SNX13: variants seen among roughly 807,000 people sequenced by gnomAD.
The protein encoded by SNX13 is sorting nexin 13.
SNX13 carries 45 observed loss-of-function variants against 133.6 expected under a neutral mutation model. The observed-to-expected ratio is 0.34, with a 90% CI of 0.27 to 0.43. The LOEUF (loss-of-function observed/expected upper bound fraction) is 0.43. Among genes scored for constraint, SNX13 ranks in the 20% least tolerant of loss-of-function variants. The pLI is 1.00. For missense variants in SNX13, 1,032 were observed against 1,145.1 expected (o/e 0.90, Z 1.43); for synonymous variants, 414 against 373.9 (o/e 1.11, Z -1.24).
At chr7:17,815,208 T>C (rs2128297924) in intron 19 of SNX13, among the ~76,000 whole-genome samples, 1 of 152,312 alleles carries the variant, frequency 6.6e-6, no homozygotes, top group East Asian at 1.9e-4. Context: ...ATATTTACTA[T>C]TTTATTTTCA....
At position 17,834,131 on chromosome 7, in the gene SNX13, A is replaced by G. The variant is rs752030843; in HGVS notation, c.1518T>C (p.Asn506=). ...DERFYPSFRQ[N]ALYVRMLAEL... The stretch of plus-strand genomic sequence containing the variant: ...CAGCTAACATGCGCACATAAAGTGC[A>G]TTCTGTCTGAAGGAAGGATAAAATC... Residue 506 remains asparagine (N), a synonymous_variant, in exon 15 of 26, where the codon AAT becomes AAC. Transcript: ENST00000428135. 1.9e-6 allele frequency: 3 copies of G among 1,596,540 alleles called. No individual in the cohort carries two copies. Among genetic ancestry groups the G allele is most frequent in the African/African-American group, 2.7e-5 (2 of 74,558 alleles).
chr7:17,798,594 T>C (rs910668943), intron 24 of SNX13, 96 bp downstream of exon 24: 4 of 911,830 alleles, frequency 4.4e-6, no homozygotes, highest in African/African-American at 3.5e-5. Context: ...ACCAACTTTA[T>C]GTCCAGGAAG....
chr7:17,819,996 A>G (rs1787109848), intron 18 of SNX13, among the ~76,000 whole-genome samples: 1 of 152,134 alleles, frequency 6.6e-6, no homozygotes, highest in African/African-American at 2.4e-5. Flanking sequence ...GTGCTGTATC[A>G]ATTTCATGTA....
chr7:17,795,538 ACTAT>A (rs1242477563), intron 25 of SNX13: 1 of 151,718 alleles, frequency 6.6e-6, no homozygotes, highest in South Asian at 2.1e-4. Context: ...CTCATCTGAC[ACTAT>A]CTATTCCATT....
intron 17 of SNX13, among the ~76,000 whole-genome samples, chr7:17,824,009 T>TA (rs752729740): frequency 1.1e-3 from 165 of 151,326 alleles, no homozygotes; most frequent in African/African-American, 3.5e-3. Flanking sequence ...AGGTAATTAT[T>TA]TAAAAAAAAT....
chr7:17,832,497 GA>G (rs1788611426), intron 15 of SNX13: 8 of 982,566 alleles, frequency 8.1e-6, no homozygotes, highest in Non-Finnish European at 9.7e-6. Context: ...CAAATACGAA[GA>G]AATTTCTAAA....
intron 1 of SNX13, among the ~76,000 whole-genome samples, chr7:17,936,443 T>C (rs1802035954): frequency 6.6e-6 from 1 of 152,252 alleles, no homozygotes; most frequent in African/African-American, 2.4e-5. Context: ...TAATGATTCA[T>C]ATTTACAGAC....
At chr7:17,876,243 C>A (rs925516974) in intron 5 of SNX13, among the ~76,000 whole-genome samples, 5 of 152,170 alleles carry the variant, frequency 3.3e-5, no homozygotes, top group Non-Finnish European at 7.3e-5. Flanking sequence ...TTTAGCTATG[C>A]AACACATGTT....
intron 9 of SNX13, among the ~76,000 whole-genome samples, chr7:17,861,879 G>C (rs559663430): frequency 6.6e-6 from 1 of 152,210 alleles, no homozygotes; most frequent in African/African-American, 2.4e-5. Context: ...TTTCTTTCCT[G>C]CTATAAAGCT....
chr7:17,934,915 T>C (rs1259241955), intron 1 of SNX13, among the ~76,000 whole-genome samples: 2 of 152,198 alleles, frequency 1.3e-5, no homozygotes, highest in African/African-American at 4.8e-5. Flanking sequence ...AGGGAATTCT[T>C]GTACACTGTA....
intron 1 of SNX13, among the ~76,000 whole-genome samples, chr7:17,916,772 C>CA (rs1799603225): frequency 6.6e-6 from 1 of 151,840 alleles, no homozygotes; most frequent in South Asian, 2.1e-4. Context: ...AAACTATTCT[C>CA]AAAAAAACTA....
chr7:17,879,428 T>C (rs1007257769), intron 5 of SNX13: 1 of 152,262 alleles, frequency 6.6e-6, no homozygotes, highest in African/African-American at 2.4e-5. Flanking sequence ...ATTCAAACAT[T>C]ATTAGAGGCA....
intron 16 of SNX13, among the ~76,000 whole-genome samples, chr7:17,828,261 G>C (rs1218406921): frequency 6.6e-6 from 1 of 151,662 alleles, no homozygotes; most frequent in African/African-American, 2.4e-5. Flanking sequence ...AACTACATTT[G>C]ATTTAGGAAT....
Position 17,883,458 on chromosome 7 carries a change from G to A in SNX13, c.440+6905C>T, listed in dbSNP as rs568342441. On this transcript the variant is annotated intron_variant, in intron 5 of 25. Coordinates refer to ENST00000428135, the MANE Select transcript of SNX13 (RefSeq NM_015132.5). Reference sequence around the variant, plus strand: ...TAAAACTACTAAAACTAAGATATAAGTCCTTCAGAACATCTGGACATTTCT... The same window carrying A: ...TAAAACTACTAAAACTAAGATATAAATCCTTCAGAACATCTGGACATTTCT... Among the ~76,000 whole-genome samples the A allele has an allele frequency of 2.0e-5, 3 of 152,252 alleles. No individual in the cohort carries two copies. The East Asian group carries it at 5.8e-4, about 29-fold the overall frequency.
chr7:17,857,707 C>G (rs188940139), intron 9 of SNX13, among the ~76,000 whole-genome samples: 1 of 152,102 alleles, frequency 6.6e-6, no homozygotes, highest in East Asian at 1.9e-4. Flanking sequence ...ATTGCTTGAA[C>G]CTGGGAGGTG....
At chr7:17,853,706 G>A (rs1791519490) in intron 9 of SNX13, among the ~76,000 whole-genome samples, 1 of 152,212 alleles carries the variant, frequency 6.6e-6, no homozygotes, top group Non-Finnish European at 1.5e-5. Context: ...CACTTTGGGA[G>A]GCTGAGGCGG....
chr7:17,824,392 G>T (rs556729627), intron 17 of SNX13, among the ~76,000 whole-genome samples: 1 of 152,228 alleles, frequency 6.6e-6, no homozygotes, highest in South Asian at 2.1e-4. Context: ...GATGCTAAAA[G>T]ATCTAGAATC....
intron 9 of SNX13, among the ~76,000 whole-genome samples, chr7:17,866,544 T>C (rs764997290): frequency 5.9e-5 from 9 of 151,986 alleles, no homozygotes; most frequent in East Asian, 1.9e-4. Flanking sequence ...ATACACAAAA[T>C]AGAATATTAT....
intron 3 of SNX13, among the ~76,000 whole-genome samples, chr7:17,892,974 G>A (rs1373620897): frequency 6.6e-6 from 1 of 151,996 alleles, no homozygotes; most frequent in Non-Finnish European, 1.5e-5. Context: ...TTTTTCCTCT[G>A]ATTCCTCTGC....
Sources: allele counts gnomAD v4.1 joint callset (sites outside exome capture counted in the v4.1 genomes callset), GRCh38; gene constraint gnomAD v4.1.1; transcripts MANE v1.5; gene names NCBI Gene and HGNC (gene_info 2026-07-23, HGNC 2026-07-21).